Variants in RNF17 observed in about 807,000 individuals in gnomAD.
The protein encoded by RNF17 is spermatogenesis associated 23.
Under a neutral mutation model 200.5 loss-of-function variants are expected in RNF17, and 31 were observed. The ratio of observed to expected loss-of-function variants is 0.15; its 90% CI spans 0.12 to 0.21. The LOEUF (loss-of-function observed/expected upper bound fraction) is 0.21, where lower values mean the gene tolerates loss of function less well. Ranked by LOEUF, RNF17 falls within the 10% of genes least tolerant of loss-of-function variation. The pLI is 1.00. For synonymous variants in RNF17, 606 were observed against 637.8 expected (o/e 0.95, Z 0.75); for missense variants, 1,628 against 1,905.1 (o/e 0.85, Z 2.71).
chr13:24,887,129 A>AATT, the RNF17 span, among the ~76,000 whole-genome samples: 8 of 152,208 alleles, frequency 5.3e-5, no homozygotes, highest in Non-Finnish European at 1.5e-5. Flanking sequence ...ATAGGGAAAG[A>AATT]ATTAAGAAGC....
intron 15 of RNF17, chr13:24,824,160 C>T (rs775734879): frequency 1.4e-6 from 1 of 708,156 alleles, no homozygotes; most frequent in East Asian, 2.7e-5. Flanking sequence ...CTTCATTAGG[C>T]TTCTTGGTTA....
chr13:24,882,284 CAA>C (rs1466305690), downstream of RNF17: 1 of 147,044 alleles, frequency 6.8e-6, no homozygotes, highest in Non-Finnish European at 1.5e-5. Context: ...TTATATTCTT[CAA>C]AAAGTTTTAT....
chr13:24,876,438 A>AT (rs747481681), intron 33 of RNF17, among the ~76,000 whole-genome samples: 1 of 152,194 alleles, frequency 6.6e-6, no homozygotes, highest in Non-Finnish European at 1.5e-5. Context: ...TATTTTGGGT[A>AT]TATACCCAGA....
At chr13:24,747,846 G>A in the RNF17 span, among the ~76,000 whole-genome samples, 1 of 152,268 alleles carries the variant, frequency 6.6e-6, no homozygotes, top group Admixed American at 6.5e-5. Context: ...AAGCCGCAGG[G>A]GCTCTAAAGG....
At chr13:24,800,260 T>C (rs947056864) in intron 12 of RNF17, 106 bp from the exon 13 acceptor site, 12 of 726,696 alleles carry the variant, frequency 1.7e-5, no homozygotes, top group Non-Finnish European at 2.7e-5. Context: ...TTCTAAAAGG[T>C]GTAACTTAAG....
downstream of RNF17, among the ~76,000 whole-genome samples, chr13:24,880,076 A>G (rs1221218555): frequency 2.0e-5 from 3 of 152,224 alleles, no homozygotes; most frequent in African/African-American, 4.8e-5. Context: ...GTAGAAGTGT[A>G]TTAGTCTCTT....
the RNF17 span, among the ~76,000 whole-genome samples, chr13:24,755,441 C>T: frequency 6.6e-6 from 1 of 151,926 alleles, no homozygotes; most frequent in Non-Finnish European, 1.5e-5. Context: ...ATGAATTGTT[C>T]AATATTTTAT....
chr13:24,855,017 C>T (rs1224463534), intron 25 of RNF17, among the ~76,000 whole-genome samples: 6 of 152,026 alleles, frequency 3.9e-5, no homozygotes, highest in Non-Finnish European at 7.4e-5. Context: ...TTCCTGTGTG[C>T]GTCACTAAAC....
intron 6 of RNF17, among the ~76,000 whole-genome samples, chr13:24,785,827 A>T (rs1255840617): frequency 6.6e-6 from 1 of 152,140 alleles, no homozygotes; most frequent in Non-Finnish European, 1.5e-5. Flanking sequence ...ATTTTGCCTA[A>T]AATTTGTGGA....
At chr13:24,808,113 T>G (rs1218156881) in intron 15 of RNF17, among the ~76,000 whole-genome samples, 1 of 151,514 alleles carries the variant, frequency 6.6e-6, no homozygotes, top group Non-Finnish European at 1.5e-5. Context: ...GGCTTAGGAT[T>G]GACTTGGCAA....
the RNF17 span, among the ~76,000 whole-genome samples, chr13:24,749,303 C>CTTTA: frequency 3.1e-5 from 1 of 31,950 alleles, no homozygotes; most frequent in African/African-American, 9.0e-5. Context: ...TTCTTTCTTT[C>CTTTA]TTTCTTTTTT....
At chr13:24,755,756 T>C in the RNF17 span, among the ~76,000 whole-genome samples, 4 of 152,334 alleles carry the variant, frequency 2.6e-5, no homozygotes, top group South Asian at 6.2e-4. Flanking sequence ...TTTTTCTTTC[T>C]AGGTTACTTT....
intron 22 of RNF17, among the ~76,000 whole-genome samples, chr13:24,846,987 C>T (rs1251310972): frequency 6.6e-6 from 1 of 151,154 alleles, no homozygotes; most frequent in African/African-American, 2.4e-5. Flanking sequence ...AAGACCCTTT[C>T]AGCATTATTA....
At chr13:24,804,844 G>A (rs898242818) in intron 15 of RNF17, among the ~76,000 whole-genome samples, 4 of 152,144 alleles carry the variant, frequency 2.6e-5, no homozygotes, top group Admixed American at 6.5e-5. Flanking sequence ...TGTGACTGAT[G>A]TGTTTAGATA....
intron 15 of RNF17, among the ~76,000 whole-genome samples, chr13:24,806,310 G>A (rs1885842237): frequency 6.6e-6 from 1 of 152,178 alleles, no homozygotes; most frequent in Non-Finnish European, 1.5e-5. Flanking sequence ...TGTGAATAGT[G>A]CTGCAATAAA....
chr13:24,757,933 G>T, the RNF17 span, among the ~76,000 whole-genome samples: 1 of 152,068 alleles, frequency 6.6e-6, no homozygotes, highest in Non-Finnish European at 1.5e-5. Context: ...TTGGATCATG[G>T]GGGTGGATCC....
chr13:24,761,771 T>A (rs1466248689), upstream of RNF17, among the ~76,000 whole-genome samples: 4 of 152,244 alleles, frequency 2.6e-5, no homozygotes, highest in Non-Finnish European at 5.9e-5. Flanking sequence ...TGGTAAGTGC[T>A]AAGAAATGAA....
intron 15 of RNF17, among the ~76,000 whole-genome samples, chr13:24,815,902 T>G (rs1011629787): frequency 1.3e-5 from 2 of 152,208 alleles, no homozygotes; most frequent in Middle Eastern, 6.3e-3. Flanking sequence ...GTTTCCTTGT[T>G]GGTTTGTTTG....
chr13:24,749,662 T>C, the RNF17 span, among the ~76,000 whole-genome samples: 1 of 152,140 alleles, frequency 6.6e-6, no homozygotes, highest in Non-Finnish European at 1.5e-5. Context: ...CTTCCATTAT[T>C]GAGAACCCAA....
Sources: gnomAD v4.1 joint callset for allele counts (sites outside exome capture counted in the v4.1 genomes callset) on GRCh38, gnomAD v4.1.1 for gene constraint, MANE v1.5 for transcripts, NCBI Gene and HGNC (gene_info 2026-07-23, HGNC 2026-07-21) for gene names.